TDO2: variants seen among roughly 807,000 people sequenced by gnomAD.
The protein encoded by TDO2 is tryptophan 2,3-dioxygenase.
TDO2 carries 63 observed loss-of-function variants against 61.2 expected under a neutral mutation model. The observed-to-expected ratio is 1.03, with a 90% CI of 0.84 to 1.27. TDO2 has a LOEUF of 1.27. TDO2 is among the 50% of genes most tolerant of loss of function. The probability of loss-of-function intolerance (pLI) is 0.00; values close to 1 mark genes in which losing one functional copy is unlikely to be tolerated. For synonymous variants in TDO2, 183 were observed against 164.0 expected (o/e 1.12, Z -0.89); for missense variants, 494 against 469.5 (o/e 1.05, Z -0.48).
intron 6 of TDO2, among the ~76,000 whole-genome samples, chr4:155,910,826 T>C (rs879680344): frequency 1.3e-5 from 2 of 151,802 alleles, no homozygotes; most frequent in Non-Finnish European, 2.9e-5. Flanking sequence ...CCTCTGGGTA[T>C]TGTAAATGTG....
chr4:155,909,345 A>G (rs972464695), intron 5 of TDO2, among the ~76,000 whole-genome samples: 3 of 152,190 alleles, frequency 2.0e-5, no homozygotes, highest in Admixed American at 6.5e-5. Flanking sequence ...AGATATAAAA[A>G]CTCAAAACAG....
rs761162667 is a variant in TDO2 at position 155,919,859 on chromosome 4, G to C, written c.1090G>C (p.Asp364His). 1.2e-6 allele frequency: 2 copies of C among 1,613,206 alleles called. No homozygotes were observed. Among genetic ancestry groups the C allele is most frequent in the African/African-American group, 2.7e-5 (2 of 74,868 alleles). Residue 364 changes from aspartate (D) to histidine (H), a missense_variant, in exon 12 of 12, where the codon GAT becomes CAT. Coordinates refer to ENST00000536354, the MANE Select transcript of TDO2 (RefSeq NM_005651.4). ...TVSDRYKVFV[D>H]LFNLSTYLIP... is the part of the protein sequence containing the mutation. Reference sequence around the variant, plus strand: ...CAGTGATAGGTACAAGGTATTTGTAGATTTATTTAATCTTTCAACATACCT... The same window carrying C: ...CAGTGATAGGTACAAGGTATTTGTACATTTATTTAATCTTTCAACATACCT...
chr4:155,914,852 C>T (rs977106934), intron 8 of TDO2, among the ~76,000 whole-genome samples: 4 of 152,122 alleles, frequency 2.6e-5, no homozygotes, highest in South Asian at 4.1e-4. Flanking sequence ...AAATCTTTAA[C>T]GTGGTCTATA....
intron 11 of TDO2, 44 bp downstream of exon 11, chr4:155,918,283 C>T: frequency 6.3e-7 from 1 of 1,579,506 alleles, no homozygotes; most frequent in African/African-American, 1.3e-5. Flanking sequence ...CAGTCACCAA[C>T]AATTTGTTTC....
At chr4:155,905,318 GAT>G in intron 3 of TDO2, 161 bp downstream of exon 3, 1 of 587,662 alleles carries the variant, frequency 1.7e-6, no homozygotes. Flanking sequence ...TCATAGGACT[GAT>G]ATAAGGATTT....
chr4:155,908,806 T>C (rs1742764869), intron 4 of TDO2, 81 bp from the exon 5 acceptor site: 2 of 1,461,374 alleles, frequency 1.4e-6, no homozygotes, highest in African/African-American at 2.9e-5. Context: ...ACAAAATTAA[T>C]GGGAATTCAT....
chr4:155,914,922 A>C (rs890427673), intron 8 of TDO2, among the ~76,000 whole-genome samples: 3 of 152,082 alleles, frequency 2.0e-5, no homozygotes, highest in African/African-American at 4.8e-5. Flanking sequence ...TTTATTAGCT[A>C]AGTTTAGTTA....
chr4:155,908,864 G>A (rs762984054), intron 4 of TDO2, 23 bp from the exon 5 acceptor site: 2 of 1,600,112 alleles, frequency 1.2e-6, no homozygotes, highest in East Asian at 2.3e-5. Flanking sequence ...TGCTAACTCA[G>A]TGTTTCATTT....
intron 3 of TDO2, chr4:155,907,138 A>G (rs1171177250): frequency 6.6e-6 from 1 of 152,260 alleles, no homozygotes; most frequent in Non-Finnish European, 1.5e-5. Context: ...TCCCCCGGGA[A>G]TTAGCTGTTA....
chr4:155,914,657 C>T (rs1383464942), intron 8 of TDO2, among the ~76,000 whole-genome samples: 1 of 152,132 alleles, frequency 6.6e-6, no homozygotes, highest in East Asian at 1.9e-4. Context: ...TTTATAGTCT[C>T]TGCCAGATAT....
intron 1 of TDO2, 65 bp from the exon 2 acceptor site, chr4:155,903,953 C>A: frequency 6.7e-7 from 1 of 1,490,378 alleles, no homozygotes; most frequent in Non-Finnish European, 9.3e-7. Flanking sequence ...TTTAATCACC[C>A]ATATCATTAG....
chr4:155,906,029 G>A (rs1047519793), intron 3 of TDO2: 2 of 152,098 alleles, frequency 1.3e-5, no homozygotes, highest in African/African-American at 4.8e-5. Context: ...ATCATGGTAT[G>A]GTAGCATAAA....
chr4:155,918,364 T>C, intron 11 of TDO2, 125 bp downstream of exon 11: 1 of 732,218 alleles, frequency 1.4e-6, no homozygotes, highest in South Asian at 1.8e-5. Flanking sequence ...ACAACACGTT[T>C]GTAGTTAGAA....
intron 6 of TDO2, 85 bp from the exon 7 acceptor site, chr4:155,911,412 C>A: frequency 1.1e-6 from 1 of 917,220 alleles, no homozygotes; most frequent in Non-Finnish European, 1.6e-6. Flanking sequence ...ATGAAGATTT[C>A]TTGTTTTAAG....
At chr4:155,915,146 G>A (rs1431332114) in intron 8 of TDO2, among the ~76,000 whole-genome samples, 3 of 152,156 alleles carry the variant, frequency 2.0e-5, no homozygotes, top group Non-Finnish European at 4.4e-5. Flanking sequence ...CATAAAATCA[G>A]TACTTTCATT....
chr4:155,914,653 G>T (rs1379085487), intron 8 of TDO2, among the ~76,000 whole-genome samples: 1 of 152,068 alleles, frequency 6.6e-6, no homozygotes, highest in East Asian at 1.9e-4. Context: ...AAAATTTATA[G>T]TCTCTGCCAG....
rs562760829 is a variant in TDO2 at position 155,904,138 on chromosome 4, C to G, written c.141+15C>G. Reference sequence around the variant, plus strand: ...ACTACCTGCATGTAAGTGGCAGGGTCCTTACAGGGTTTGGTGTCCATTGTT... The same window carrying G: ...ACTACCTGCATGTAAGTGGCAGGGTGCTTACAGGGTTTGGTGTCCATTGTT... On this transcript the variant is annotated intron_variant, in intron 2 of 11. Transcript: ENST00000536354. 2 of 1,583,374 alleles carry G rather than the reference C, an allele frequency of 1.3e-6. No individual in the cohort carries two copies. The highest frequency in any genetic ancestry group is 1.7e-6 in the Non-Finnish European group (2 of 1,153,488).
Position 155,920,335 on chromosome 4 carries a change from A to G in TDO2, c.*345A>G, listed in dbSNP as rs1229155111. 4.2e-6 allele frequency: 1 copy of G among 238,234 alleles called. No individual in the cohort carries two copies. The highest frequency in any genetic ancestry group is 8.1e-6 in the Non-Finnish European group (1 of 123,490). 14.8% of individuals were successfully genotyped at this position (238,234 alleles called of 1,614,324 possible). On this transcript the variant is annotated 3_prime_UTR_variant, in exon 12 of 12. Transcript: ENST00000536354. The stretch of plus-strand genomic sequence containing the variant: ...CTATTTCAAATATTTTATGCAGTAC[A>G]TTATATTATTCTGTACAAAGGCTTT...
intron 7 of TDO2, among the ~76,000 whole-genome samples, chr4:155,912,072 G>A (rs1438621354): frequency 6.6e-6 from 1 of 152,024 alleles, no homozygotes; most frequent in Admixed American, 6.5e-5. Flanking sequence ...TCATCCTCTT[G>A]GCATGACTAA....
Sources: gnomAD v4.1 joint callset for allele counts (sites outside exome capture counted in the v4.1 genomes callset) on GRCh38, gnomAD v4.1.1 for gene constraint, MANE v1.5 for transcripts, NCBI Gene and HGNC (gene_info 2026-07-23, HGNC 2026-07-21) for gene names.